ATXN1: variants seen among roughly 807,000 people sequenced by gnomAD.
ATXN1 encodes the protein ataxin 1.
Under a neutral mutation model 56.4 loss-of-function variants are expected in ATXN1, and 8 were observed. The observed-to-expected ratio is 0.14, with a 90% CI of 0.08 to 0.26. ATXN1 has a LOEUF of 0.26. ATXN1 is among the 10% of genes least tolerant of loss of function. The pLI, the probability that ATXN1 is intolerant of heterozygous loss-of-function variation, is 1.00. For missense variants in ATXN1, 987 were observed against 1,106.5 expected (o/e 0.89, Z 1.53); for synonymous variants, 514 against 494.6 (o/e 1.04, Z -0.52).
At chr6:16,529,695 C>T (rs555005660) in intron 4 of ATXN1, among the ~76,000 whole-genome samples, 98 of 151,662 alleles carry the variant, frequency 6.5e-4, no homozygotes, top group African/African-American at 2.3e-3. Flanking sequence ...TGTTTCTCGT[C>T]GGATAAATTT....
intron 4 of ATXN1, among the ~76,000 whole-genome samples, chr6:16,531,006 A>C (rs1761493324): frequency 6.6e-6 from 1 of 152,242 alleles, no homozygotes; most frequent in Non-Finnish European, 1.5e-5. Context: ...AACAGCTAGC[A>C]TAAGTTTACT....
At chr6:16,723,222 A>G (rs1366205164) in intron 2 of ATXN1, among the ~76,000 whole-genome samples, 1 of 151,460 alleles carries the variant, frequency 6.6e-6, no homozygotes, top group Non-Finnish European at 1.5e-5. Flanking sequence ...CATTCCTTCC[A>G]GAGATAGAGT....
At position 16,327,720 on chromosome 6, in the gene ATXN1, C is replaced by A; in HGVS notation, c.591G>T (p.Gln197His). ...LSQTPGHKAE[Q>H]QQQQQQQQQQ... ...GCTGCTGCTGCTGCTGCTGCTGCTG[C>A]TGCTCAGCCTTGTGTCCCGGCGTCT... The change falls in exon 7 of 8, where the codon CAG becomes CAT. Residue 197 changes from glutamine (Q) to histidine (H), a missense_variant. Transcript: ENST00000436367. The A allele has an allele frequency of 1.2e-6, 2 of 1,606,796 alleles. No homozygotes were observed. The highest frequency in any genetic ancestry group is 2.2e-5 in the East Asian group (1 of 44,868).
intron 4 of ATXN1, among the ~76,000 whole-genome samples, chr6:16,533,521 A>G (rs1413863709): frequency 6.6e-6 from 1 of 152,210 alleles, no homozygotes; most frequent in Non-Finnish European, 1.5e-5. Context: ...TCTGAGTTTT[A>G]CAACCTCAGA....
At chr6:16,598,169 A>T (rs1581872236) in intron 3 of ATXN1, among the ~76,000 whole-genome samples, 1 of 152,234 alleles carries the variant, frequency 6.6e-6, no homozygotes, top group Non-Finnish European at 1.5e-5. Flanking sequence ...AAAGAAATAA[A>T]TGGTGAAGAC....
Position 16,665,016 on chromosome 6 carries a change from T to C in ATXN1, c.-614-7115A>G, listed in dbSNP as rs9477203. Among the ~76,000 whole-genome samples the C allele has an allele frequency of 6.9e-3, 1,053 of 152,338 alleles. 15 individuals are homozygous for C. Among genetic ancestry groups the C allele is most frequent in the African/African-American group, 0.024 (985 of 41,572 alleles). ...ACAAGAGTGAGATCCATTTAGATTTTTGCAGCTCTCTTTAATGCCTGGCTT... is the reference window on the plus strand; with the variant it reads ...ACAAGAGTGAGATCCATTTAGATTTCTGCAGCTCTCTTTAATGCCTGGCTT... On this transcript the variant is annotated intron_variant, in intron 2 of 7. Coordinates refer to ENST00000436367, the MANE Select transcript of ATXN1 (RefSeq NM_001128164.2).
chr6:16,518,984 C>A (rs1406031016), intron 5 of ATXN1, among the ~76,000 whole-genome samples: 1 of 152,102 alleles, frequency 6.6e-6, no homozygotes, highest in Non-Finnish European at 1.5e-5. Flanking sequence ...AAAATAATTT[C>A]TTGAGTTTAT....
chr6:16,311,148 G>C (rs1176159959), intron 7 of ATXN1, among the ~76,000 whole-genome samples: 1 of 152,150 alleles, frequency 6.6e-6, no homozygotes, highest in African/African-American at 2.4e-5. Context: ...AAGCTCTCAG[G>C]TACAAACTTT....
At chr6:16,659,992 A>T (rs988209156) in intron 2 of ATXN1, among the ~76,000 whole-genome samples, 1 of 152,226 alleles carries the variant, frequency 6.6e-6, no homozygotes, top group African/African-American at 2.4e-5. Flanking sequence ...ATTCTTACTT[A>T]TATCTGTAGA....
intron 3 of ATXN1, among the ~76,000 whole-genome samples, chr6:16,648,464 G>A (rs1287727410): frequency 1.3e-5 from 2 of 152,194 alleles, no homozygotes; most frequent in Non-Finnish European, 2.9e-5. Context: ...AGTACCTCCT[G>A]ATGAATGAAC....
chr6:16,664,357 T>C (rs1758383319), intron 2 of ATXN1, among the ~76,000 whole-genome samples: 1 of 152,150 alleles, frequency 6.6e-6, no homozygotes, highest in Non-Finnish European at 1.5e-5. Flanking sequence ...AAGTATGGAT[T>C]TGAAGGAAAA....
At chr6:16,354,105 C>T (rs1023884166) in intron 6 of ATXN1, among the ~76,000 whole-genome samples, 3 of 152,088 alleles carry the variant, frequency 2.0e-5, no homozygotes, top group African/African-American at 4.8e-5. Context: ...CCTATAGGGT[C>T]GGAGTGGGTA....
At chr6:16,501,760 G>A (rs1243067343) in intron 5 of ATXN1, among the ~76,000 whole-genome samples, 2 of 151,904 alleles carry the variant, frequency 1.3e-5, no homozygotes, top group Admixed American at 1.3e-4. Flanking sequence ...CTTTACTATT[G>A]TAAATACTGC....
intron 6 of ATXN1, among the ~76,000 whole-genome samples, chr6:16,344,433 G>A (rs1287980621): frequency 2.0e-5 from 3 of 152,192 alleles, no homozygotes; most frequent in South Asian, 2.1e-4. Flanking sequence ...CCCTCAATCT[G>A]GGTGGGCACA....
chr6:16,492,478 A>G (rs114845371), intron 5 of ATXN1, among the ~76,000 whole-genome samples: 1,598 of 152,222 alleles, frequency 0.01, 26 homozygotes, highest in African/African-American at 0.036. Flanking sequence ...AAAAAAATAA[A>G]TAGGTGTTGT....
intron 5 of ATXN1, among the ~76,000 whole-genome samples, chr6:16,504,488 G>C (rs1760944461): frequency 6.6e-6 from 1 of 152,140 alleles, no homozygotes; most frequent in Non-Finnish European, 1.5e-5. Flanking sequence ...AATCTACAGT[G>C]CATATTATCA....
intron 6 of ATXN1, among the ~76,000 whole-genome samples, chr6:16,346,985 G>A (rs1761416621): frequency 6.6e-6 from 1 of 152,180 alleles, no homozygotes; most frequent in Non-Finnish European, 1.5e-5. Context: ...AGCAGCGGCG[G>A]ACCCCGCCGG....
intron 6 of ATXN1, among the ~76,000 whole-genome samples, chr6:16,466,122 C>CT (rs1760099933): frequency 6.6e-6 from 1 of 151,990 alleles, no homozygotes; most frequent in East Asian, 1.9e-4. Context: ...CGAGAACATC[C>CT]TGGCTAACAC....
chr6:16,373,597 G>C (rs949988915), intron 6 of ATXN1, among the ~76,000 whole-genome samples: 9 of 152,160 alleles, frequency 5.9e-5, no homozygotes, highest in Admixed American at 2.0e-4. Context: ...GGGACCTGCT[G>C]GGAGACAACT....
Sources: allele counts gnomAD v4.1 joint callset (sites outside exome capture counted in the v4.1 genomes callset), GRCh38; gene constraint gnomAD v4.1.1; transcripts MANE v1.5; gene names NCBI Gene and HGNC (gene_info 2026-07-23, HGNC 2026-07-21).